The following DOCK5 variants were observed in gnomAD, a reference collection of about 807,000 sequenced individuals.
DOCK5 encodes dedicator of cytokinesis 5, also known as dedicator of cytokinesis protein 5.
A neutral mutation model predicts 251.8 loss-of-function variants in DOCK5; 142 were observed. The ratio of observed to expected loss-of-function variants is 0.56; its 90% CI spans 0.49 to 0.65. DOCK5 has a LOEUF of 0.65. DOCK5 is among the 30% of genes least tolerant of loss of function. DOCK5 has a pLI of 0.00. For synonymous variants in DOCK5, 842 were observed against 835.5 expected (o/e 1.01, Z -0.13); for missense variants, 2,111 against 2,312.3 (o/e 0.91, Z 1.79).
rs1586355948 is a variant in DOCK5 at position 25,354,713 on chromosome 8, G to C, written c.2850+2887G>C. Among the ~76,000 whole-genome samples, 5 of 152,130 alleles carry C rather than the reference G, an allele frequency of 3.3e-5. No individual in the cohort carries two copies. The East Asian group carries it at 9.6e-4, about 29-fold the overall frequency. On this transcript the variant is annotated intron_variant, in intron 27 of 51. Transcript: ENST00000276440. ...GATGTGGAAAAAGAAAATCTACATG[G>C]CTTGATACAGTTTATTCCAGATATT...
chr8:25,269,931 A>T (rs1374003090), intron 3 of DOCK5, among the ~76,000 whole-genome samples: 1 of 152,206 alleles, frequency 6.6e-6, no homozygotes, highest in Non-Finnish European at 1.5e-5. Flanking sequence ...CTGATGTTAC[A>T]CACCCAACTC....
chr8:25,219,812 T>C (rs781648011), intron 1 of DOCK5, among the ~76,000 whole-genome samples: 1 of 152,058 alleles, frequency 6.6e-6, no homozygotes, highest in Non-Finnish European at 1.5e-5. Flanking sequence ...TTTATTTTTG[T>C]GTTGGCATGC....
At chr8:25,263,951 A>G (rs1326154024) in intron 2 of DOCK5, among the ~76,000 whole-genome samples, 1 of 151,852 alleles carries the variant, frequency 6.6e-6, no homozygotes, top group Non-Finnish European at 1.5e-5. Flanking sequence ...TTCCTATACC[A>G]AAGACTACTG....
At chr8:25,358,875 GA>G (rs1182154320) in intron 27 of DOCK5, 87 bp from the exon 28 acceptor site, 68 of 1,234,240 alleles carry the variant, frequency 5.5e-5, no homozygotes, top group Non-Finnish European at 7.5e-5. Context: ...CAGTGGGTGG[GA>G]AAAGCCAAGT....
intron 10 of DOCK5, among the ~76,000 whole-genome samples, chr8:25,303,648 G>A (rs1804825457): frequency 1.3e-5 from 2 of 152,148 alleles, no homozygotes; most frequent in South Asian, 4.1e-4. Context: ...AAAGTAACCT[G>A]ATGTTAAATT....
Position 25,397,027 on chromosome 8 carries a change from C to A in DOCK5, c.4704+1308C>A, listed in dbSNP as rs147245193. The stretch of plus-strand genomic sequence containing the variant: ...CTGAGGCCAAGAGATAGAGACCAGC[C>A]TGGCGAACTTGGCGAAACCCTGTCT... On this transcript the variant is annotated intron_variant, in intron 45 of 51. Transcript: ENST00000276440. Among the ~76,000 whole-genome samples the A allele has an allele frequency of 4.9e-3, 753 of 152,190 alleles. 5 individuals are homozygous for A. Among genetic ancestry groups the A allele is most frequent in the African/African-American group, 0.017 (712 of 41,514 alleles).
chr8:25,311,495 A>G (rs1805094654), intron 13 of DOCK5, among the ~76,000 whole-genome samples: 1 of 150,406 alleles, frequency 6.6e-6, no homozygotes, highest in Non-Finnish European at 1.5e-5. Flanking sequence ...GTGGGCCGAG[A>G]TCGCACCACT....
rs959738843 is a variant in DOCK5 at position 25,186,367 on chromosome 8, G to A, written c.43+1416G>A. On this transcript the variant is annotated intron_variant, in intron 1 of 51. Transcript: ENST00000276440. ...CAGGGCTCTTTTTTTTTTTTTTTTTGGTTTGTTTGTTTTTGAGACGGACTG... is the reference window on the plus strand; with the variant it reads ...CAGGGCTCTTTTTTTTTTTTTTTTTAGTTTGTTTGTTTTTGAGACGGACTG... Among the ~76,000 whole-genome samples the A allele has an allele frequency of 3.8e-5, 3 of 79,548 alleles. No individual in the cohort carries two copies. In the East Asian group the frequency reaches 9.6e-4, roughly 25 times the overall value. The allele number at this position is 79,548 out of a possible 152,430, so 52.2% of individuals were successfully genotyped here. A position where few individuals can be genotyped will look rare whatever the true frequency, so the allele number is the denominator to read the frequency against.
intron 10 of DOCK5, among the ~76,000 whole-genome samples, chr8:25,303,929 GCACTC>G (rs963342536): frequency 2.0e-5 from 3 of 152,178 alleles, no homozygotes; most frequent in African/African-American, 7.2e-5. Context: ...TTGTGCCACT[GCACTC>G]CAACCTGGGC....
chr8:25,407,554 T>C (rs1048818808), intron 48 of DOCK5, among the ~76,000 whole-genome samples: 4 of 152,178 alleles, frequency 2.6e-5, no homozygotes, highest in African/African-American at 9.7e-5. Context: ...ATTTAGAATC[T>C]GAGAGTGAAG....
chr8:25,224,352 C>T (rs149523184), intron 1 of DOCK5, among the ~76,000 whole-genome samples: 1 of 152,184 alleles, frequency 6.6e-6, no homozygotes, highest in African/African-American at 2.4e-5. Context: ...CTCCTGGCCT[C>T]AAGTGATCTG....
At chr8:25,393,936 A>G (rs1801302669) in intron 44 of DOCK5, among the ~76,000 whole-genome samples, 1 of 152,240 alleles carries the variant, frequency 6.6e-6, no homozygotes, top group Non-Finnish European at 1.5e-5. Context: ...TTGATGTGTT[A>G]TAAGTCATGG....
chr8:25,215,932 TAC>T (rs199685009), intron 1 of DOCK5, among the ~76,000 whole-genome samples: 24,176 of 140,926 alleles, frequency 0.17, 1,973 homozygotes, highest in African/African-American at 0.19. Context: ...TGGAAATAAA[TAC>T]ACACACACAC....
At chr8:25,371,084 T>TA (rs1800865024) in intron 34 of DOCK5, among the ~76,000 whole-genome samples, 1 of 152,244 alleles carries the variant, frequency 6.6e-6, no homozygotes, top group African/African-American at 2.4e-5. Flanking sequence ...CTCAGTCACT[T>TA]AGTTGTTCAC....
At chr8:25,233,429 G>T (rs111526592) in intron 1 of DOCK5, among the ~76,000 whole-genome samples, 1 of 152,234 alleles carries the variant, frequency 6.6e-6, no homozygotes. Flanking sequence ...TCCAACCCAC[G>T]TCATCCCAGA....
intron 5 of DOCK5, among the ~76,000 whole-genome samples, chr8:25,286,002 A>C (rs978210010): frequency 3.3e-5 from 5 of 152,206 alleles, no homozygotes; most frequent in Non-Finnish European, 5.9e-5. Context: ...AGGAGGCAAA[A>C]AATGGCCTTT....
chr8:25,212,078 G>A lies in DOCK5; in HGVS notation c.43+27127G>A, dbSNP rs1329649846. On this transcript the variant is annotated intron_variant, in intron 1 of 51. Transcript: ENST00000276440. Reference sequence around the variant, plus strand: ...CTGGAGGCTGAGGCAGGAGAATGACGTGAACCTGGGAGGCAGAGTTTGCAG... The same window carrying A: ...CTGGAGGCTGAGGCAGGAGAATGACATGAACCTGGGAGGCAGAGTTTGCAG... Among the ~76,000 whole-genome samples the A allele has an allele frequency of 3.0e-5, 2 of 66,610 alleles. 1 individual carries two copies. The highest frequency in any genetic ancestry group is 9.7e-5 in the Non-Finnish European group (2 of 20,610). 43.7% of individuals were successfully genotyped at this position (66,610 alleles called of 152,430 possible).
At chr8:25,344,410 A>G (rs1231271821) in intron 25 of DOCK5, among the ~76,000 whole-genome samples, 1 of 152,106 alleles carries the variant, frequency 6.6e-6, no homozygotes, top group African/African-American at 2.4e-5. Flanking sequence ...ATGTATGTAT[A>G]TTGCCTGGAG....
At chr8:25,242,951 C>T (rs1343567033) in intron 1 of DOCK5, among the ~76,000 whole-genome samples, 1 of 152,202 alleles carries the variant, frequency 6.6e-6, no homozygotes, top group Non-Finnish European at 1.5e-5. Flanking sequence ...TCATCAGTTC[C>T]GTGTTCTTGC....
Sources: gnomAD v4.1 joint callset for allele counts (sites outside exome capture counted in the v4.1 genomes callset) on GRCh38, gnomAD v4.1.1 for gene constraint, MANE v1.5 for transcripts, NCBI Gene and HGNC (gene_info 2026-07-23, HGNC 2026-07-21) for gene names.